CACNB4: variants seen among roughly 807,000 people sequenced by gnomAD.
CACNB4 encodes the protein calcium voltage-gated channel auxiliary subunit beta 4.
CACNB4 carries 32 observed loss-of-function variants against 71.2 expected under a neutral mutation model. The ratio of observed to expected loss-of-function variants is 0.45; its 90% CI spans 0.34 to 0.60. The LOEUF is 0.60. Ranked by LOEUF, CACNB4 falls within the 20% of genes least tolerant of loss-of-function variation. The probability of loss-of-function intolerance (pLI) is 0.01; values close to 1 mark genes in which losing one functional copy is unlikely to be tolerated. For missense variants in CACNB4, 464 were observed against 647.9 expected (o/e 0.72, Z 3.08); for synonymous variants, 231 against 236.9 (o/e 0.97, Z 0.23).
intron 2 of CACNB4, among the ~76,000 whole-genome samples, chr2:152,045,821 G>A (rs1379252619): frequency 6.6e-6 from 1 of 152,084 alleles, no homozygotes; most frequent in Non-Finnish European, 1.5e-5. Flanking sequence ...GCAGCTAGCA[G>A]GGATTCATTA....
At chr2:151,954,850 C>CTTTTTTTTTTTTTT (rs34054917) in intron 2 of CACNB4, among the ~76,000 whole-genome samples, 3 of 94,924 alleles carry the variant, frequency 3.2e-5, no homozygotes, top group South Asian at 3.5e-4. Context: ...CAAGTCAGCA[C>CTTTTTTTTTTTTTT]TTTTTTTTTT....
At chr2:151,938,066 C>T (rs2099863369) in intron 2 of CACNB4, among the ~76,000 whole-genome samples, 1 of 152,168 alleles carries the variant, frequency 6.6e-6, no homozygotes, top group African/African-American at 2.4e-5. Context: ...AGCTAGACAC[C>T]CTTTACACAT....
chr2:152,064,403 C>T (rs545471259), intron 2 of CACNB4, among the ~76,000 whole-genome samples: 1 of 152,298 alleles, frequency 6.6e-6, no homozygotes, highest in Admixed American at 6.5e-5. Flanking sequence ...ATTTTTGAGA[C>T]GGAGTCTCGC....
intron 2 of CACNB4, among the ~76,000 whole-genome samples, chr2:152,077,381 C>T (rs1216120134): frequency 3.9e-5 from 6 of 152,120 alleles, no homozygotes; most frequent in Non-Finnish European, 7.4e-5. Flanking sequence ...GGTGAAATCC[C>T]GTCTCTACTA....
intron 2 of CACNB4, among the ~76,000 whole-genome samples, chr2:152,066,589 T>C (rs899620417): frequency 6.7e-6 from 1 of 149,728 alleles, no homozygotes; most frequent in African/African-American, 2.4e-5. Context: ...AGTGTGGCGA[T>C]TCCTCAGGGA....
chr2:151,909,905 T>TG (rs2099855771), intron 2 of CACNB4, among the ~76,000 whole-genome samples: 2 of 151,986 alleles, frequency 1.3e-5, no homozygotes, highest in Admixed American at 6.6e-5. Flanking sequence ...TGATTTATTT[T>TG]GGGGGGTATA....
At chr2:152,091,144 T>C (rs1346172264) in intron 2 of CACNB4, among the ~76,000 whole-genome samples, 1 of 152,074 alleles carries the variant, frequency 6.6e-6, no homozygotes, top group Non-Finnish European at 1.5e-5. Flanking sequence ...ACCCAGTAAT[T>C]AGATTTCTTT....
intron 4 of CACNB4, among the ~76,000 whole-genome samples, chr2:151,877,099 C>A (rs1279519847): frequency 1.4e-5 from 2 of 146,396 alleles, no homozygotes; most frequent in East Asian, 2.0e-4. Flanking sequence ...ACATAGATAT[C>A]TATATATACA....
intron 2 of CACNB4, among the ~76,000 whole-genome samples, chr2:151,940,370 G>A (rs2099863940): frequency 1.3e-5 from 2 of 152,184 alleles, no homozygotes; most frequent in Admixed American, 1.3e-4. Flanking sequence ...GGTACCAGAA[G>A]AGAGAAATGA....
At chr2:151,994,625 C>T (rs1681937277) in intron 2 of CACNB4, among the ~76,000 whole-genome samples, 1 of 152,214 alleles carries the variant, frequency 6.6e-6, no homozygotes, top group Non-Finnish European at 1.5e-5. Flanking sequence ...AATTCTCGTG[C>T]CTCAGCTTCC....
chr2:152,030,184 A>G (rs1448729292), intron 2 of CACNB4, among the ~76,000 whole-genome samples: 1 of 152,154 alleles, frequency 6.6e-6, no homozygotes, highest in African/African-American at 2.4e-5. Context: ...TGAGGATTAT[A>G]TTAACACAGT....
chr2:151,997,416 C>A (rs535723870), intron 2 of CACNB4, among the ~76,000 whole-genome samples: 1 of 152,188 alleles, frequency 6.6e-6, no homozygotes, highest in South Asian at 2.1e-4. Context: ...CGCCTCTAGT[C>A]CCAGCTGCTC....
intron 2 of CACNB4, among the ~76,000 whole-genome samples, chr2:151,906,328 G>C (rs2099854806): frequency 6.6e-6 from 1 of 152,170 alleles, no homozygotes; most frequent in Admixed American, 6.5e-5. Flanking sequence ...TGCCCTATGA[G>C]TAAAAGCAAA....
rs374745796 is a variant in CACNB4, at chr2:151,837,598, TA to T, written c.*1520del. The T allele has an allele frequency of 2.3e-4, 35 of 152,180 alleles. No individual in the cohort carries two copies. The East Asian group carries it at 4.8e-3, about 21-fold the overall frequency. The allele number at this position is 152,180 out of a possible 1,614,324, so 9.4% of individuals were successfully genotyped here. On this transcript the variant is annotated 3_prime_UTR_variant, in exon 14 of 14. Transcript: ENST00000539935. ...TTGGGGTTTTAGAAAATGCATGCAC[TA>T]TGGACATTTAGAAATAAGTTTTTTT...
intron 2 of CACNB4, among the ~76,000 whole-genome samples, chr2:152,058,957 G>A (rs1447934120): frequency 2.6e-5 from 4 of 152,232 alleles, no homozygotes; most frequent in Non-Finnish European, 4.4e-5. Flanking sequence ...GGTACAGCTT[G>A]GGCCATTGCT....
At position 152,098,578 on chromosome 2, in the gene CACNB4, C is replaced by CCCCCCCCAACAAAA; in HGVS notation, c.64-166_64-165insTTTTGTTGGGGGGG. 1 of 934,580 alleles carries CCCCCCCCAACAAAA rather than the reference C, an allele frequency of 1.1e-6. No individual in the cohort carries two copies. Among genetic ancestry groups the CCCCCCCCAACAAAA allele is most frequent in the Non-Finnish European group, 1.7e-6 (1 of 583,032 alleles). 57.9% of individuals were successfully genotyped at this position (934,580 alleles called of 1,614,324 possible). On this transcript the variant is annotated intron_variant, in intron 1 of 13. Transcript: ENST00000539935. This position sits in a 1 kb window ranked among gnomAD's most constrained non-coding sequence, Gnocchi z 5.3. ...TCCCAAATACAGCCCCCACCCCCACCCACCCACTGCAAGCCTCGACTGCTG... is the reference window on the plus strand; with the variant it reads ...TCCCAAATACAGCCCCCACCCCCACCCCCCCCCAACAAAACACCCACTGCAAGCCTCGACTGCTG...
Position 152,098,809 on chromosome 2 carries a change from A to C in CACNB4, c.63+140T>G. The C allele has an allele frequency of 2.6e-6, 1 of 379,354 alleles. No homozygotes were observed. The highest frequency in any genetic ancestry group is 4.9e-6 in the Non-Finnish European group (1 of 205,568). 23.5% of individuals were successfully genotyped at this position (379,354 alleles called of 1,614,324 possible). Reference sequence around the variant, plus strand: ...GCGGGAGGAGAAAGGGACGTGGAGGAGGGGTGGGGGGAGCGGGGCCGCCGA... The same window carrying C: ...GCGGGAGGAGAAAGGGACGTGGAGGCGGGGTGGGGGGAGCGGGGCCGCCGA... On this transcript the variant is annotated intron_variant, in intron 1 of 13. Transcript: ENST00000539935. The surrounding 1 kb of genome is among the most constrained non-coding windows in gnomAD (Gnocchi z 5.3).
rs150107172 is a variant in CACNB4, at chr2:151,878,278, G to A, written c.391-1722C>T. Among the ~76,000 whole-genome samples, 76 of 152,126 alleles carry A rather than the reference G, an allele frequency of 5.0e-4. No individual in the cohort carries two copies. In the East Asian group the frequency reaches 0.01, roughly 20 times the overall value. The stretch of plus-strand genomic sequence containing the variant: ...TTTCATTGAATAATCACACCATGAA[G>A]TTCTGGGTAAACTTTAAATTATTCT... On this transcript the variant is annotated intron_variant, in intron 4 of 13. Coordinates refer to ENST00000539935, the MANE Select transcript of CACNB4 (RefSeq NM_000726.5).
intron 10 of CACNB4, chr2:151,857,482 T>G (rs992664445): frequency 1.3e-5 from 2 of 152,210 alleles, no homozygotes; most frequent in Non-Finnish European, 2.9e-5. Context: ...TCCCCTTTTC[T>G]CTCACATGGC....
Sources: gnomAD v4.1 joint callset for allele counts (sites outside exome capture counted in the v4.1 genomes callset) on GRCh38, gnomAD v4.1.1 for gene constraint, Gnocchi (gnomAD v3.1) non-coding constraint, MANE v1.5 for transcripts, NCBI Gene and HGNC (gene_info 2026-07-23, HGNC 2026-07-21) for gene names.